The following HS1BP3 variants were observed in gnomAD, a reference collection of about 807,000 sequenced individuals.
HS1BP3 encodes the protein HCLS1-binding protein 3.
HS1BP3 carries 32 observed loss-of-function variants against 33.5 expected under a neutral mutation model. The observed-to-expected ratio is 0.95, with a 90% CI of 0.72 to 1.28. The LOEUF is 1.28. Among genes scored for constraint, HS1BP3 ranks in the 50% most tolerant of loss-of-function variants. The pLI is 0.00. For missense variants in HS1BP3, 486 were observed against 502.3 expected, an observed-to-expected ratio of 0.97 and a Z score of 0.31; for synonymous variants, 187 against 209.2, an observed-to-expected ratio of 0.89 and a Z score of 0.92.
At chr2:20,630,096 G>A (rs1295938060) in intron 4 of HS1BP3, among the ~76,000 whole-genome samples, 3 of 152,200 alleles carry the variant, frequency 2.0e-5, no homozygotes, top group Non-Finnish European at 4.4e-5. Flanking sequence ...GAAGACTGCT[G>A]ATCTTTCCAC....
chr2:20,596,500 C>G (rs1266859603), intron 3 of HS1BP3, among the ~76,000 whole-genome samples: 2 of 152,194 alleles, frequency 1.3e-5, no homozygotes. Context: ...GGTGAGAAGA[C>G]AGCAATCTGT....
intron 5 of HS1BP3, among the ~76,000 whole-genome samples, chr2:20,583,197 C>T (rs1428596732): frequency 6.6e-6 from 1 of 152,256 alleles, no homozygotes; most frequent in African/African-American, 2.4e-5. Context: ...GGCCCCCAGC[C>T]TGGGCACAGG....
chr2:20,650,585 C>T (rs1442628196), intron 1 of HS1BP3, among the ~76,000 whole-genome samples: 2 of 152,228 alleles, frequency 1.3e-5, no homozygotes, highest in African/African-American at 4.8e-5. Flanking sequence ...CTGCTGGCAT[C>T]ACCCCCTCTC....
At chr2:20,624,359 T>A (rs1317655841) in intron 5 of HS1BP3, among the ~76,000 whole-genome samples, 1 of 152,114 alleles carries the variant, frequency 6.6e-6, no homozygotes, top group Admixed American at 6.5e-5. Context: ...GAGGACGACC[T>A]GGGCATGTGA....
intron 2 of HS1BP3, among the ~76,000 whole-genome samples, chr2:20,644,623 C>G (rs2149303674): frequency 6.6e-6 from 1 of 152,334 alleles, no homozygotes; most frequent in East Asian, 1.9e-4. Flanking sequence ...CTCCCTTTCC[C>G]TTCCATACCA....
At chr2:20,647,480 C>A (rs1318416892) in intron 1 of HS1BP3, among the ~76,000 whole-genome samples, 1 of 152,230 alleles carries the variant, frequency 6.6e-6, no homozygotes, top group Admixed American at 6.5e-5. Context: ...GGCTTGGCAA[C>A]CCTACCTTGC....
At chr2:20,603,424 A>C (rs1455226212) in intron 2 of HS1BP3, among the ~76,000 whole-genome samples, 2 of 152,260 alleles carry the variant, frequency 1.3e-5, no homozygotes, top group African/African-American at 4.8e-5. Flanking sequence ...GTCTCCTGAT[A>C]CATGCTGCAA....
intron 4 of HS1BP3, among the ~76,000 whole-genome samples, chr2:20,632,320 C>T (rs1219470907): frequency 6.6e-6 from 1 of 152,230 alleles, no homozygotes; most frequent in East Asian, 1.9e-4. Context: ...GCCCCTGATC[C>T]ACTCCAAATG....
At chr2:20,562,510 T>C (rs1006449067) in intron 5 of HS1BP3, among the ~76,000 whole-genome samples, 1 of 152,114 alleles carries the variant, frequency 6.6e-6, no homozygotes. Flanking sequence ...AAGTAAAATA[T>C]AATTAATGGG....
chr2:20,598,237 C>T, exon 3 of HS1BP3: 1 of 422,660 alleles, frequency 2.4e-6, no homozygotes, highest in Non-Finnish European at 4.9e-6. Context: ...GAGCCCTGAG[C>T]TTGTTTGCCT....
downstream of HS1BP3, among the ~76,000 whole-genome samples, chr2:20,588,946 T>G (rs1028369000): frequency 1.8e-4 from 28 of 152,164 alleles, no homozygotes; most frequent in African/African-American, 6.5e-4. Context: ...AGGGCGTTCG[T>G]GCTTGTCTCA....
intron 2 of HS1BP3, among the ~76,000 whole-genome samples, chr2:20,598,597 C>T (rs1262667231): frequency 9.0e-6 from 1 of 110,744 alleles, no homozygotes; most frequent in Non-Finnish European, 1.7e-5. Context: ...CTCGCTCTGT[C>T]GCCCAGGCTG....
chr2:20,646,531 A>T lies in HS1BP3; in HGVS notation c.33-1026T>A, dbSNP rs77178855. On this transcript the variant is annotated intron_variant, in intron 1 of 6. Transcript: ENST00000304031. ...TCACCAACTGGTGAGGCCTACAGTG[A>T]TGCGTCTCCTATGCCATGTATGACA... Among the ~76,000 whole-genome samples the T allele has an allele frequency of 5.7e-3, 870 of 152,366 alleles. 11 individuals are homozygous for T. The highest frequency in any genetic ancestry group is 0.02 in the African/African-American group (847 of 41,592).
chr2:20,625,770 G>A (rs1307359396), intron 4 of HS1BP3, among the ~76,000 whole-genome samples: 1 of 152,204 alleles, frequency 6.6e-6, no homozygotes, highest in Admixed American at 6.5e-5. Flanking sequence ...AGCTTCTGGG[G>A]TGTAGGAGTA....
chr2:20,592,719 G>A, exon 4 of HS1BP3: 1 of 152,354 alleles, frequency 6.6e-6, no homozygotes, highest in East Asian at 1.9e-4. Context: ...CCCCGCTGGT[G>A]GCAGCACCAC....
intron 2 of HS1BP3, among the ~76,000 whole-genome samples, chr2:20,643,361 T>C (rs1695418027): frequency 6.6e-6 from 1 of 152,178 alleles, no homozygotes; most frequent in African/African-American, 2.4e-5. Context: ...GCTCCCTCCT[T>C]CATGCCCCGC....
intron 5 of HS1BP3, among the ~76,000 whole-genome samples, chr2:20,583,310 G>A (rs552071114): frequency 6.6e-6 from 1 of 152,244 alleles, no homozygotes; most frequent in East Asian, 1.9e-4. Flanking sequence ...CAGCTTACTG[G>A]GTTATCAGGA....
At chr2:20,572,297 T>C (rs1007823686) in intron 5 of HS1BP3, among the ~76,000 whole-genome samples, 4 of 152,214 alleles carry the variant, frequency 2.6e-5, no homozygotes, top group Non-Finnish European at 5.9e-5. Context: ...GGGCCATTTT[T>C]CCTCTGTTCC....
chr2:20,586,203 T>G (rs989550159), intron 5 of HS1BP3: 5 of 152,204 alleles, frequency 3.3e-5, no homozygotes, highest in Non-Finnish European at 7.3e-5. Flanking sequence ...CTGATGCCCG[T>G]TCTCAAAACG....
Sources: gnomAD v4.1 joint callset for allele counts (sites outside exome capture counted in the v4.1 genomes callset) on GRCh38, gnomAD v4.1.1 for gene constraint, MANE v1.5 for transcripts, NCBI Gene and HGNC (gene_info 2026-07-23, HGNC 2026-07-21) for gene names.